The following GAB1 variants were observed in gnomAD, a reference collection of about 807,000 sequenced individuals.
GAB1 encodes GRB2 associated binding protein 1.
GAB1 carries 19 observed loss-of-function variants against 66.5 expected under a neutral mutation model. The ratio of observed to expected loss-of-function variants is 0.29; its 90% CI spans 0.20 to 0.42. The LOEUF is 0.42. GAB1 is among the 10% of genes least tolerant of loss of function. GAB1 has a pLI of 1.00. For synonymous variants in GAB1, 294 were observed against 301.4 expected (o/e 0.98, Z 0.25); for missense variants, 732 against 858.5 (o/e 0.85, Z 1.84).
intron 1 of GAB1, among the ~76,000 whole-genome samples, chr4:143,360,741 T>A (rs1028277314): frequency 6.6e-6 from 1 of 152,212 alleles, no homozygotes; most frequent in Non-Finnish European, 1.5e-5. Context: ...TGCGGCAATT[T>A]TGGTCTTACT....
chr4:143,461,771 G>T (rs796600794), intron 8 of GAB1, among the ~76,000 whole-genome samples: 15 of 152,188 alleles, frequency 9.9e-5, no homozygotes, highest in African/African-American at 3.6e-4. Flanking sequence ...CACTTTAGTG[G>T]CCCTATATTA....
chr4:143,400,158 G>A (rs1279135711), intron 1 of GAB1, among the ~76,000 whole-genome samples: 1 of 152,098 alleles, frequency 6.6e-6, no homozygotes, highest in Non-Finnish European at 1.5e-5. Flanking sequence ...GGCCAGACTG[G>A]TCTTGATCTC....
chr4:143,458,314 T>A (rs1241136267), intron 6 of GAB1, among the ~76,000 whole-genome samples: 1 of 152,082 alleles, frequency 6.6e-6, no homozygotes, highest in African/African-American at 2.4e-5. Flanking sequence ...GTAAGTTAAT[T>A]TGGTCTTCAT....
rs147884266 is a variant in GAB1, at chr4:143,381,431, G to A, written c.73-34046G>A. 1.7e-3 allele frequency among the ~76,000 whole-genome samples: 260 copies of A among 152,230 alleles called. 1 individual carries two copies. Among genetic ancestry groups the A allele is most frequent in the African/African-American group, 5.9e-3 (245 of 41,530 alleles). On this transcript the variant is annotated intron_variant, in intron 1 of 9. Transcript: ENST00000262994. ...GTAAGCACTAGAAAGATTCAGTATG[G>A]TATCACCGGCTGTAGTGGTTCAGCC...
intron 6 of GAB1, among the ~76,000 whole-genome samples, chr4:143,451,074 A>T (rs545544029): frequency 2.0e-5 from 3 of 152,274 alleles, no homozygotes; most frequent in Non-Finnish European, 4.4e-5. Context: ...ACCCCTGAAG[A>T]AGCTCACCGT....
Position 143,466,141 on chromosome 4 carries a change from C to G in GAB1, c.1842C>G (p.Ser614Arg), listed in dbSNP as rs761740594. ...FGSNSLDGGS[S>R]PMIKPKGDKQ... ...GTAACAGTCTTGATGGAGGAAGCAGCCCTATGATCAAGCCCAAAGGAGACA... is the reference window on the plus strand; with the variant it reads ...GTAACAGTCTTGATGGAGGAAGCAGGCCTATGATCAAGCCCAAAGGAGACA... Residue 614 changes from serine (S) to arginine (R), a missense_variant, in exon 9 of 10, where the codon AGC (serine) becomes AGG (arginine). By Grantham distance (110) the Ser-to-Arg change is moderately radical. Transcript: ENST00000262994. 6.2e-7 allele frequency: 1 copy of G among 1,613,652 alleles called. No individual in the cohort carries two copies. The highest frequency in any genetic ancestry group is 8.5e-7 in the Non-Finnish European group (1 of 1,179,684).
In GAB1 at chr4:143,337,117, A is replaced by G; in HGVS notation, c.-72A>G. The G allele has an allele frequency of 7.3e-7, 1 of 1,362,130 alleles. No homozygotes were observed. The highest frequency in any genetic ancestry group is 1.0e-6 in the Non-Finnish European group (1 of 986,996). 84.4% of individuals were successfully genotyped at this position (1,362,130 alleles called of 1,614,324 possible). On this transcript the variant is annotated 5_prime_UTR_variant, in exon 1 of 10. Transcript: ENST00000262994. ...AGGTTCTCGCCACTGCGCGCTCGGC[A>G]GGCGTCGGCTGTGTCGGGAGCGCGC... is the stretch of plus-strand genomic sequence containing the variant.
intron 1 of GAB1, among the ~76,000 whole-genome samples, chr4:143,359,674 T>C (rs914462129): frequency 7.9e-5 from 12 of 152,232 alleles, no homozygotes; most frequent in African/African-American, 2.4e-4. Flanking sequence ...TTCATATTCA[T>C]TTATAATCAG....
chr4:143,423,321 T>C (rs1733121813), intron 2 of GAB1, among the ~76,000 whole-genome samples: 2 of 152,222 alleles, frequency 1.3e-5, no homozygotes, highest in Admixed American at 6.5e-5. Flanking sequence ...TTGGGGTTTC[T>C]TTAATGGCTG....
At chr4:143,393,154 C>T (rs1379322415) in intron 1 of GAB1, among the ~76,000 whole-genome samples, 2 of 149,838 alleles carry the variant, frequency 1.3e-5, no homozygotes, top group Non-Finnish European at 3.0e-5. Context: ...AAATTGTAGA[C>T]CAGGGTAGCA....
Position 143,438,594 on chromosome 4 carries a change from C to A in GAB1, c.1189C>A (p.Arg397=). ...TISTVDLNKL[R]KDASSQDCYD... ...TTCCACTGTGGATTTAAACAAATTG[C>A]GAAAAGGTCAGCTCTAGTTGACTTC... is the stretch of plus-strand genomic sequence containing the variant. The change falls in exon 4 of 10, where the codon CGA becomes AGA. Residue 397 remains arginine, a synonymous_variant. Transcript: ENST00000262994. 6.2e-7 allele frequency: 1 copy of A among 1,611,938 alleles called. No homozygotes were observed. The highest frequency in any genetic ancestry group is 1.1e-5 in the South Asian group (1 of 90,760).
chr4:143,382,083 A>G (rs181805657), intron 1 of GAB1: 91 of 152,368 alleles, frequency 6.0e-4, no homozygotes, highest in African/African-American at 2.1e-3. Flanking sequence ...AATCTTATTC[A>G]GTATCTTGGT....
At chr4:143,462,034 C>T (rs1003300478) in intron 8 of GAB1, among the ~76,000 whole-genome samples, 2 of 152,116 alleles carry the variant, frequency 1.3e-5, no homozygotes, top group African/African-American at 4.8e-5. Context: ...GCAGGAGGAT[C>T]TCTTGAGCCT....
At chr4:143,339,660 C>CT in intron 1 of GAB1, among the ~76,000 whole-genome samples, 1 of 152,270 alleles carries the variant, frequency 6.6e-6, no homozygotes, top group Admixed American at 6.5e-5. Context: ...TTAAGTAGCT[C>CT]TTTGAGTCTT....
intron 6 of GAB1, among the ~76,000 whole-genome samples, chr4:143,447,036 A>G (rs981197183): frequency 2.0e-5 from 3 of 152,114 alleles, no homozygotes; most frequent in Non-Finnish European, 4.4e-5. Context: ...TCCCAGCACC[A>G]TTTATTAAAT....
chr4:143,460,329 A>G, intron 7 of GAB1, 35 bp from the exon 8 acceptor site: 2 of 1,608,026 alleles, frequency 1.2e-6, no homozygotes, highest in Non-Finnish European at 1.7e-6. Context: ...ATTTTTGTCA[A>G]GGCTTATGTT....
chr4:143,370,854 C>G (rs55758499), intron 1 of GAB1, among the ~76,000 whole-genome samples: 48,120 of 152,022 alleles, frequency 0.32, 7,903 homozygotes, highest in South Asian at 0.49. Context: ...CAGCTTCATC[C>G]ATGTCACTAC....
At chr4:143,376,270 C>T (rs1008584989) in intron 1 of GAB1, among the ~76,000 whole-genome samples, 1 of 152,170 alleles carries the variant, frequency 6.6e-6, no homozygotes, top group East Asian at 1.9e-4. Flanking sequence ...GCTTACAGAT[C>T]ATGAACATGT....
intron 2 of GAB1, among the ~76,000 whole-genome samples, chr4:143,429,799 A>G (rs1199426881): frequency 2.0e-5 from 3 of 152,222 alleles, no homozygotes; most frequent in Non-Finnish European, 4.4e-5. Context: ...TACTGCATTG[A>G]TGCAAACAAC....
Sources: allele counts gnomAD v4.1 joint callset (sites outside exome capture counted in the v4.1 genomes callset), GRCh38; gene constraint gnomAD v4.1.1; transcripts MANE v1.5; gene names NCBI Gene and HGNC (gene_info 2026-07-23, HGNC 2026-07-21).